NRG1: variants seen among roughly 807,000 people sequenced by gnomAD.
NRG1 encodes the protein pro-neuregulin-1, membrane-bound isoform.
In NRG1, 18 loss-of-function variants were observed where a neutral mutation model predicts 63.8. The observed-to-expected ratio is 0.28, with a 90% CI of 0.19 to 0.42. The LOEUF (loss-of-function observed/expected upper bound fraction) is 0.42. Ranked by LOEUF, NRG1 falls within the 10% of genes least tolerant of loss-of-function variation. NRG1 has a pLI of 1.00. For synonymous variants in NRG1, 302 were observed against 301.3 expected (o/e 1.00, Z -0.02); for missense variants, 762 against 814.7 (o/e 0.94, Z 0.79).
intron 1 of NRG1, among the ~76,000 whole-genome samples, chr8:32,565,289 T>C (rs1407295476): frequency 1.3e-5 from 2 of 152,174 alleles, no homozygotes; most frequent in African/African-American, 4.8e-5. Flanking sequence ...CTTTTTGGAA[T>C]TTTCTTTTTC....
intron 1 of NRG1, among the ~76,000 whole-genome samples, chr8:32,207,819 C>CT (rs1670943864): frequency 6.6e-6 from 1 of 152,178 alleles, no homozygotes; most frequent in Non-Finnish European, 1.5e-5. Context: ...TGGTGAGCAA[C>CT]TCACATCTCT....
chr8:32,375,044 G>A (rs367816413), intron 1 of NRG1, among the ~76,000 whole-genome samples: 22 of 152,102 alleles, frequency 1.4e-4, no homozygotes, highest in Non-Finnish European at 2.1e-4. Context: ...GTGCAGTGGC[G>A]AAGTCTTGGA....
At chr8:32,159,815 T>A (rs1364076360) in intron 1 of NRG1, among the ~76,000 whole-genome samples, 1 of 152,122 alleles carries the variant, frequency 6.6e-6, no homozygotes, top group African/African-American at 2.4e-5. Flanking sequence ...ATATTATAAT[T>A]ATGATTCAAA....
intron 1 of NRG1, among the ~76,000 whole-genome samples, chr8:31,863,703 C>A (rs1222450964): frequency 1.3e-5 from 2 of 152,196 alleles, no homozygotes; most frequent in Non-Finnish European, 2.9e-5. Flanking sequence ...GAAAGTCCTG[C>A]CTTTCCTTTC....
intron 7 of NRG1, among the ~76,000 whole-genome samples, chr8:32,747,385 A>T (rs1050494712): frequency 3.9e-5 from 6 of 152,126 alleles, no homozygotes; most frequent in Non-Finnish European, 8.8e-5. Flanking sequence ...TGAGTAAGGA[A>T]ATTTATTATT....
At chr8:32,102,022 C>T (rs561413331) in intron 1 of NRG1, among the ~76,000 whole-genome samples, 146 of 152,032 alleles carry the variant, frequency 9.6e-4, no homozygotes, top group South Asian at 8.7e-3. Flanking sequence ...TAGCAGGCTT[C>T]GTCGGAGGGT....
chr8:31,673,367 C>T (rs1437941066), intron 1 of NRG1, among the ~76,000 whole-genome samples: 2 of 152,174 alleles, frequency 1.3e-5, no homozygotes, highest in Non-Finnish European at 2.9e-5. Context: ...CTGCTTTACC[C>T]TCAGTGGCAT....
At chr8:32,050,711 T>A (rs367637755) in intron 1 of NRG1, among the ~76,000 whole-genome samples, 47 of 152,262 alleles carry the variant, frequency 3.1e-4, no homozygotes, top group African/African-American at 1.0e-3. Context: ...GGCCAGTCAT[T>A]TGTAAGCTGT....
intron 1 of NRG1, among the ~76,000 whole-genome samples, chr8:32,529,252 A>G (rs1041527268): frequency 1.3e-5 from 2 of 152,222 alleles, no homozygotes; most frequent in African/African-American, 4.8e-5. Context: ...TGCAGTATAG[A>G]AAATAAAATA....
At chr8:31,852,247 T>A (rs1827315478) in intron 1 of NRG1, among the ~76,000 whole-genome samples, 1 of 152,010 alleles carries the variant, frequency 6.6e-6, no homozygotes, top group Admixed American at 6.6e-5. Flanking sequence ...TGTTCCTATT[T>A]CTCCACATCC....
At chr8:32,331,425 G>A (rs922507107) in intron 1 of NRG1, among the ~76,000 whole-genome samples, 19 of 151,234 alleles carry the variant, frequency 1.3e-4, no homozygotes, top group African/African-American at 4.6e-4. Flanking sequence ...TAGCTAAAGG[G>A]GAGGCTAAGC....
At chr8:31,774,562 A>G (rs945684853) in intron 1 of NRG1, among the ~76,000 whole-genome samples, 1 of 152,162 alleles carries the variant, frequency 6.6e-6, no homozygotes, top group African/African-American at 2.4e-5. Context: ...GCCTGAGGTC[A>G]AATCCAAATC....
chr8:32,766,715 C>G (rs1177092389), exon 12 of NRG1: 1 of 152,118 alleles, frequency 6.6e-6, no homozygotes, highest in African/African-American at 2.4e-5. Flanking sequence ...AAATTGAAGA[C>G]AAGAGGAAAT....
chr8:32,268,929 A>G (rs1444215509), intron 1 of NRG1, among the ~76,000 whole-genome samples: 1 of 152,180 alleles, frequency 6.6e-6, no homozygotes, highest in Non-Finnish European at 1.5e-5. Flanking sequence ...ACAGGGATAC[A>G]TTACCCATTT....
In NRG1 at chr8:31,840,946, T is replaced by C. The variant is rs1826147698; in HGVS notation, c.37+201515T>C. Among the ~76,000 whole-genome samples the C allele has an allele frequency of 3.9e-5, 6 of 152,196 alleles. No homozygotes were observed. In the South Asian group the frequency reaches 1.2e-3, roughly 32 times the overall value. Reference sequence around the variant, plus strand: ...TTAGTTTGGGTTTAGTATGTATTCATTCATTCATATTGCCATGTGTGTTCA... The same window carrying C: ...TTAGTTTGGGTTTAGTATGTATTCACTCATTCATATTGCCATGTGTGTTCA... On this transcript the variant is annotated intron_variant, in intron 1 of 10. Coordinates refer to the NRG1 transcript ENST00000519301.
chr8:31,716,152 T>C (rs896627827), intron 1 of NRG1, among the ~76,000 whole-genome samples: 9 of 152,188 alleles, frequency 5.9e-5, no homozygotes, highest in Non-Finnish European at 8.8e-5. Context: ...ATATTAAGTG[T>C]GTATTTCAGG....
chr8:32,123,383 C>A (rs1382120707), intron 1 of NRG1, among the ~76,000 whole-genome samples: 2 of 151,804 alleles, frequency 1.3e-5, no homozygotes, highest in African/African-American at 4.8e-5. Context: ...CACAAGTTCT[C>A]TCTTGCCTGC....
At chr8:32,103,492 C>T (rs189721504) in intron 1 of NRG1, among the ~76,000 whole-genome samples, 35 of 152,334 alleles carry the variant, frequency 2.3e-4, no homozygotes, top group Non-Finnish European at 5.0e-4. Context: ...CTGCAACAAA[C>T]ATGGATGTGC....
rs1194538036 is a variant in NRG1, at chr8:32,288,890, A to G, written c.38-306938A>G. ...TGATTTTTTTCATAATGAGCTCAGA[A>G]AGAGGGAAAGATCAATATTCATGTT... On this transcript the variant is annotated intron_variant, in intron 1 of 10. Coordinates refer to the NRG1 transcript ENST00000519301. 3.9e-5 allele frequency among the ~76,000 whole-genome samples: 6 copies of G among 152,178 alleles called. No homozygotes were observed. In the East Asian group the frequency reaches 1.2e-3, roughly 29 times the overall value.
Sources: allele counts gnomAD v4.1 joint callset (sites outside exome capture counted in the v4.1 genomes callset), GRCh38; gene constraint gnomAD v4.1.1; transcripts MANE v1.5; gene names NCBI Gene and HGNC (gene_info 2026-07-23, HGNC 2026-07-21).